MAP2K4: variants seen among roughly 807,000 people sequenced by gnomAD.
The protein encoded by MAP2K4 is mitogen-activated protein kinase kinase 4.
A neutral mutation model predicts 48.5 loss-of-function variants in MAP2K4; 4 were observed. That is an observed-to-expected ratio of 0.08 (90% CI 0.04 to 0.19). MAP2K4 has a LOEUF of 0.19. Ranked by LOEUF, MAP2K4 falls within the 10% of genes least tolerant of loss-of-function variation. MAP2K4 has a pLI of 1.00. For synonymous variants in MAP2K4, 166 were observed against 173.1 expected (o/e 0.96, Z 0.32); for missense variants, 258 against 493.3 (o/e 0.52, Z 4.52).
At chr17:12,110,710 G>A (rs2151575551) in intron 6 of MAP2K4, 1 of 335,444 alleles carries the variant, frequency 3.0e-6, no homozygotes, top group South Asian at 3.8e-5. Flanking sequence ...GATAGATAAT[G>A]TTTTTCTGCA....
At position 12,141,305 on chromosome 17, in the gene MAP2K4, C is replaced by G; in HGVS notation, c.*45C>G. The G allele has an allele frequency of 2.2e-6, 3 of 1,334,648 alleles. No homozygotes were observed. Among genetic ancestry groups the G allele is most frequent in the Non-Finnish European group, 3.2e-6 (3 of 925,996 alleles). The allele number at this position is 1,334,648 out of a possible 1,614,324, so 82.7% of individuals were successfully genotyped here. On this transcript the variant is annotated 3_prime_UTR_variant, in exon 11 of 11. Transcript: ENST00000353533. ...TCTAGAAAAAAGGGCTGAGAGGAAG[C>G]AAGACGTAAAGAATTTTCATCCCGT...
chr17:12,134,264 A>G (rs996213677), intron 9 of MAP2K4, among the ~76,000 whole-genome samples: 5 of 152,266 alleles, frequency 3.3e-5, no homozygotes, highest in African/African-American at 1.2e-4. Flanking sequence ...TCACTAACAG[A>G]TGAAAACTTT....
chr17:12,076,279 C>CTGTGTGTGTGTG lies in MAP2K4; in HGVS notation c.219-5041_219-5030dup, dbSNP rs372806903. On this transcript the variant is annotated intron_variant, in intron 2 of 10. Transcript: ENST00000353533. ...TGTTCTGGGACATTATGTCACAGTT[C>CTGTGTGTGTGTG]TGTGTGTGTGTGTGTGTGTGTGTGT... Among the ~76,000 whole-genome samples, 281 of 135,250 alleles carry CTGTGTGTGTGTG rather than the reference C, an allele frequency of 2.1e-3. 1 individual carries two copies. The highest frequency in any genetic ancestry group is 3.0e-3 in the Non-Finnish European group (188 of 63,198). 88.7% of individuals were successfully genotyped at this position (135,250 alleles called of 152,430 possible).
intron 8 of MAP2K4, among the ~76,000 whole-genome samples, chr17:12,127,423 A>C (rs1054318935): frequency 1.4e-4 from 21 of 152,294 alleles, no homozygotes; most frequent in Middle Eastern, 3.4e-3. Flanking sequence ...ATGACTAAAC[A>C]ATTACGTTTT....
chr17:12,067,517 A>G (rs1275446140), intron 2 of MAP2K4, among the ~76,000 whole-genome samples: 5 of 152,198 alleles, frequency 3.3e-5, no homozygotes, highest in Non-Finnish European at 7.3e-5. Context: ...TCTTAGGACC[A>G]CTGGTACAGC....
At chr17:12,068,092 G>A (rs576652506) in intron 2 of MAP2K4, among the ~76,000 whole-genome samples, 17 of 152,230 alleles carry the variant, frequency 1.1e-4, no homozygotes, top group African/African-American at 3.9e-4. Context: ...TATCAAGGTG[G>A]GAAATATTCA....
chr17:12,050,049 T>A (rs1381938317), intron 1 of MAP2K4, among the ~76,000 whole-genome samples: 1 of 151,930 alleles, frequency 6.6e-6, no homozygotes, highest in Non-Finnish European at 1.5e-5. Context: ...ATCAGTGGAG[T>A]TGAAGATATG....
intron 2 of MAP2K4, 128 bp downstream of exon 2, chr17:12,055,119 ATTC>A: frequency 1.8e-6 from 1 of 552,856 alleles, no homozygotes. Flanking sequence ...AATATTGTTT[ATTC>A]TTTTCCTTCT....
chr17:12,095,895 T>TTGTGTGTGTGTGTGTGTG (rs71947375), intron 4 of MAP2K4, among the ~76,000 whole-genome samples: 93 of 147,394 alleles, frequency 6.3e-4, no homozygotes, highest in African/African-American at 2.2e-3. Flanking sequence ...ACACGTGTGT[T>TTGTGTGTGTGTGTGTGTG]TGTGTGTGTG....
intron 2 of MAP2K4, among the ~76,000 whole-genome samples, chr17:12,055,916 C>G (rs1028666310): frequency 6.6e-6 from 1 of 152,010 alleles, no homozygotes; most frequent in African/African-American, 2.4e-5. Context: ...TCTCAATTGT[C>G]TATTAATTTT....
intron 1 of MAP2K4, chr17:12,027,029 A>G (rs575957400): frequency 6.6e-6 from 1 of 152,346 alleles, no homozygotes; most frequent in South Asian, 2.1e-4. Context: ...AAAATTTAAC[A>G]AATGTTGTCG....
chr17:12,128,547 A>G (rs1972929712), intron 8 of MAP2K4, among the ~76,000 whole-genome samples: 3 of 152,026 alleles, frequency 2.0e-5, no homozygotes, highest in South Asian at 4.1e-4. Context: ...TGAGCCCTTT[A>G]TTGGGGCTTC....
chr17:12,127,355 T>C (rs895523572), intron 8 of MAP2K4, among the ~76,000 whole-genome samples: 4 of 152,208 alleles, frequency 2.6e-5, no homozygotes, highest in African/African-American at 9.6e-5. Context: ...ACCTAGAGCT[T>C]CCAGCTGAGG....
At chr17:12,098,921 A>AG (rs1040369514) in intron 4 of MAP2K4, among the ~76,000 whole-genome samples, 3 of 152,140 alleles carry the variant, frequency 2.0e-5, no homozygotes, top group African/African-American at 7.2e-5. Flanking sequence ...TTTAAATTTA[A>AG]GGGGTACAAG....
intron 2 of MAP2K4, among the ~76,000 whole-genome samples, chr17:12,079,946 A>G (rs1397965806): frequency 6.6e-6 from 1 of 152,198 alleles, no homozygotes; most frequent in Non-Finnish European, 1.5e-5. Context: ...TAGAGTATCA[A>G]ATAATATGGG....
chr17:12,072,435 G>A, intron 2 of MAP2K4, among the ~76,000 whole-genome samples: 1 of 152,146 alleles, frequency 6.6e-6, no homozygotes, highest in East Asian at 1.9e-4. Flanking sequence ...ATATCAAATA[G>A]GAAGCCATGG....
At chr17:12,045,653 G>C (rs750547184) in intron 1 of MAP2K4, among the ~76,000 whole-genome samples, 1 of 152,202 alleles carries the variant, frequency 6.6e-6, no homozygotes, top group African/African-American at 2.4e-5. Flanking sequence ...GTTACATTGT[G>C]AGACAGTAAC....
chr17:12,140,855 G>T (rs961547597), intron 10 of MAP2K4, among the ~76,000 whole-genome samples: 1 of 152,122 alleles, frequency 6.6e-6, no homozygotes, highest in Non-Finnish European at 1.5e-5. Flanking sequence ...TGACAACTTG[G>T]CTGTCTTCCT....
chr17:12,105,157 TTCTTGGC>T (rs1406800146), intron 4 of MAP2K4, among the ~76,000 whole-genome samples: 1 of 152,140 alleles, frequency 6.6e-6, no homozygotes, highest in Non-Finnish European at 1.5e-5. Context: ...ATCTTAGTTA[TTCTTGGC>T]TCTACTTTAA....
Sources: allele counts gnomAD v4.1 joint callset (sites outside exome capture counted in the v4.1 genomes callset), GRCh38; gene constraint gnomAD v4.1.1; transcripts MANE v1.5; gene names NCBI Gene and HGNC (gene_info 2026-07-23, HGNC 2026-07-21).